MORC2: variants seen among roughly 807,000 people sequenced by gnomAD.
MORC2 encodes ATPase MORC2.
In MORC2, 30 loss-of-function variants were observed where a neutral mutation model predicts 136.0. The ratio of observed to expected loss-of-function variants is 0.22; its 90% CI spans 0.17 to 0.30. The LOEUF (loss-of-function observed/expected upper bound fraction) is 0.30, where lower values mean the gene tolerates loss of function less well. Among genes scored for constraint, MORC2 ranks in the 10% least tolerant of loss-of-function variants. The probability of loss-of-function intolerance (pLI) is 1.00; values close to 1 mark genes in which losing one functional copy is unlikely to be tolerated. For synonymous variants in MORC2, 439 were observed against 487.0 expected (o/e 0.90, Z 1.30); for missense variants, 922 against 1,333.1 (o/e 0.69, Z 4.80).
rs1396182121 is a variant in MORC2 at position 30,932,968 on chromosome 22, C to T, written c.2443G>A (p.Val815Met). 4.3e-6 allele frequency: 7 copies of T among 1,614,178 alleles called. No homozygotes were observed. The highest frequency in any genetic ancestry group is 2.2e-5 in the East Asian group (1 of 44,874). ...REWYTGRVTA[V>M]EVGKHVVRWK... ...CGCACCACATGCTTGCCCACCTCCA[C>T]GGCTGTGACACGGCCCGTGTACCAC... Residue 815 changes from valine to methionine, a missense_variant, in exon 22 of 26, where the codon GTG (valine) becomes ATG (methionine). By Grantham distance (21) the Val-to-Met change is conservative (BLOSUM62 1). Transcript: ENST00000397641. This position sits in a 1 kb window ranked among gnomAD's most constrained non-coding sequence, Gnocchi z 4.4.
chr22:30,955,014 A>G (rs1375066250), intron 3 of MORC2, among the ~76,000 whole-genome samples: 1 of 139,182 alleles, frequency 7.2e-6, no homozygotes, highest in African/African-American at 2.8e-5. Flanking sequence ...GCTGGAGTGC[A>G]ATGGTGCGAT....
At chr22:30,960,314 A>T (rs1184338837) in intron 1 of MORC2, among the ~76,000 whole-genome samples, 1 of 152,198 alleles carries the variant, frequency 6.6e-6, no homozygotes, top group African/African-American at 2.4e-5. Flanking sequence ...GAATTATAGG[A>T]AGACCTTTCC....
At chr22:30,965,585 C>T (rs948838960) in intron 1 of MORC2, among the ~76,000 whole-genome samples, 1 of 152,100 alleles carries the variant, frequency 6.6e-6, no homozygotes, top group African/African-American at 2.4e-5. Context: ...TAAGAAATTC[C>T]AGAGCTTCCA....
intron 3 of MORC2, among the ~76,000 whole-genome samples, chr22:30,955,301 G>A (rs530446760): frequency 4.3e-4 from 65 of 152,102 alleles, no homozygotes; most frequent in Non-Finnish European, 9.1e-4. Flanking sequence ...TTCTTTTCCT[G>A]TGTGCCCCTA....
In MORC2 at chr22:30,926,306, GC is replaced by G; in HGVS notation, c.*496del. ...CCTCCAATGTGGAACCTCCTACACA[GC>G]CCCCCTTTTGGGTCCCTGGATATGA... On this transcript the variant is annotated 3_prime_UTR_variant, in exon 26 of 26. Coordinates refer to ENST00000397641, the MANE Select transcript of MORC2 (RefSeq NM_001303256.3). 1 of 152,438 alleles carries G rather than the reference GC, an allele frequency of 6.6e-6. No homozygotes were observed. Among genetic ancestry groups the G allele is most frequent in the Non-Finnish European group, 1.5e-5 (1 of 68,306 alleles). The allele number at this position is 152,438 out of a possible 1,614,324, so 9.4% of individuals were successfully genotyped here.
intron 4 of MORC2, 24 bp downstream of exon 4, chr22:30,950,353 C>CCCCAAAAAAAAAA: frequency 2.7e-6 from 4 of 1,481,948 alleles, no homozygotes; most frequent in Non-Finnish European, 3.8e-6. Flanking sequence ...CCCCACCCCC[C>CCCCAAAAAAAAAA]AAAACAATAA....
Position 30,941,795 on chromosome 22 carries a change from G to T in MORC2, c.698+96C>A. Reference sequence around the variant, plus strand: ...ACATACTACCCTACCACAGAACACTGGGCAATGAATGTGCTCTCCCCTCTT... The same window carrying T: ...ACATACTACCCTACCACAGAACACTTGGCAATGAATGTGCTCTCCCCTCTT... On this transcript the variant is annotated intron_variant, in intron 8 of 25. Coordinates refer to ENST00000397641, the MANE Select transcript of MORC2 (RefSeq NM_001303256.3). The surrounding 1 kb of genome is among the most constrained non-coding windows in gnomAD (Gnocchi z 4.6). 8.1e-7 allele frequency: 1 copy of T among 1,236,676 alleles called. No individual in the cohort carries two copies. The highest frequency in any genetic ancestry group is 1.2e-6 in the Non-Finnish European group (1 of 855,560). The allele number at this position is 1,236,676 out of a possible 1,614,324, so 76.6% of individuals were successfully genotyped here.
Position 30,940,770 on chromosome 22 carries a change from C to T in MORC2, c.892G>A (p.Val298Ile), listed in dbSNP as rs772766261. 6 of 1,614,096 alleles carry T rather than the reference C, an allele frequency of 3.7e-6. No homozygotes were observed. The highest frequency in any genetic ancestry group is 1.1e-5 in the South Asian group (1 of 91,078). ...AEQEVKKAEH[V>I]ARIAEEKARE... ...AGAGTGGCATTACCAATCCTTGCTA[C>T]GTGCTCTGCTTTCTTCACCTCCTGC... Residue 298 changes from valine to isoleucine, a missense_variant, in exon 10 of 26, where the codon GTA becomes ATA. This residue lies in a region of MORC2 where 261 missense variants were observed against 354.3 expected (regional missense o/e 0.74). Coordinates refer to ENST00000397641, the MANE Select transcript of MORC2 (RefSeq NM_001303256.3).
chr22:30,950,986 A>G (rs2040878543), intron 3 of MORC2, among the ~76,000 whole-genome samples: 1 of 152,194 alleles, frequency 6.6e-6, no homozygotes, highest in Non-Finnish European at 1.5e-5. Flanking sequence ...GTGTCTATAC[A>G]TGACCATCCC....
intron 5 of MORC2, among the ~76,000 whole-genome samples, chr22:30,947,588 A>G (rs2040836644): frequency 1.3e-5 from 2 of 152,192 alleles, no homozygotes; most frequent in Non-Finnish European, 2.9e-5. Flanking sequence ...AACACTCAGG[A>G]AAACTCCCAG....
At chr22:30,953,907 C>G (rs1269421011) in intron 3 of MORC2, among the ~76,000 whole-genome samples, 1 of 152,140 alleles carries the variant, frequency 6.6e-6, no homozygotes, top group Admixed American at 6.5e-5. Context: ...CAAACTACAT[C>G]TGATGTTTGG....
In MORC2 at chr22:30,939,712, C is replaced by A. The variant is rs2040712545; in HGVS notation, c.988-6G>T. On this transcript the variant is annotated splice_polypyrimidine_tract_variant and splice_region_variant and intron_variant, in intron 11 of 25. Coordinates refer to ENST00000397641, the MANE Select transcript of MORC2 (RefSeq NM_001303256.3). ...TGGACCTGTCGCAACATCACCTGCA[C>A]ACATTGACATCAGGTGAGGGGAGGT... 6.2e-7 allele frequency: 1 copy of A among 1,613,232 alleles called. No homozygotes were observed.
In MORC2 at chr22:30,938,160, G is replaced by A; in HGVS notation, c.1119C>T (p.Asn373=). The change falls in exon 13 of 26, where the codon AAC becomes AAT. Residue 373 remains asparagine (N), a synonymous_variant. Coordinates refer to ENST00000397641, the MANE Select transcript of MORC2 (RefSeq NM_001303256.3). ...TGCCATCCAGATCCCGGTGTTCAAT[G>A]TTGACACCAAAAACAAAATTCAGTT... ...PKELNFVFGV[N]IEHRDLDGMF... 6.2e-7 allele frequency: 1 copy of A among 1,614,054 alleles called. No individual in the cohort carries two copies. Among genetic ancestry groups the A allele is most frequent in the Admixed American group, 1.7e-5 (1 of 60,016 alleles).
At chr22:30,945,681 T>G (rs2040806602) in intron 6 of MORC2, among the ~76,000 whole-genome samples, 1 of 152,182 alleles carries the variant, frequency 6.6e-6, no homozygotes, top group South Asian at 2.1e-4. Context: ...GTGTTTAGCT[T>G]ACATAGTCAA....
intron 2 of MORC2, among the ~76,000 whole-genome samples, chr22:30,957,231 T>C (rs1056131125): frequency 6.6e-6 from 1 of 152,242 alleles, no homozygotes; most frequent in Non-Finnish European, 1.5e-5. Context: ...GACAATAATC[T>C]CCCACAAAAC....
chr22:30,927,899 G>A (rs902883008), intron 25 of MORC2, 120 bp downstream of exon 25: 1 of 1,244,910 alleles, frequency 8.0e-7, no homozygotes, highest in African/African-American at 1.5e-5. Flanking sequence ...TGTGCAGCCA[G>A]GGTGAGAACC....
Position 30,943,968 on chromosome 22 carries a change from A to G in MORC2, c.427-1697T>C, listed in dbSNP as rs148601024. On this transcript the variant is annotated intron_variant, in intron 6 of 25. Coordinates refer to ENST00000397641, the MANE Select transcript of MORC2 (RefSeq NM_001303256.3). ...TTTTTAGTAGAGACGGGGTTTCACC[A>G]TATTGGTCAGGATGGTCTTGACCAC... is the stretch of plus-strand genomic sequence containing the variant. 7.3e-4 allele frequency among the ~76,000 whole-genome samples: 111 copies of G among 152,280 alleles called. 3 individuals carry two copies. In the East Asian group the frequency reaches 0.016, roughly 23 times the overall value.
At position 30,965,119 on chromosome 22, in the gene MORC2, G is replaced by A. The variant is rs534621247; in HGVS notation, c.68+2703C>T. 5.3e-5 allele frequency among the ~76,000 whole-genome samples: 8 copies of A among 152,176 alleles called. 1 individual carries two copies. In the South Asian group the frequency reaches 1.0e-3, roughly 20 times the overall value. On this transcript the variant is annotated intron_variant, in intron 1 of 25. Coordinates refer to ENST00000397641, the MANE Select transcript of MORC2 (RefSeq NM_001303256.3). ...AGGTTTGGCTGGTTTGCAAGCACAC[G>A]GTCTTTTCACTGCACCACACTGATT...
intron 3 of MORC2, among the ~76,000 whole-genome samples, chr22:30,954,024 G>A (rs543761333): frequency 2.0e-5 from 3 of 152,252 alleles, no homozygotes; most frequent in South Asian, 4.1e-4. Flanking sequence ...ATTATTACTG[G>A]CCAAGCGCAT....
Sources: gnomAD v4.1 joint callset for allele counts (sites outside exome capture counted in the v4.1 genomes callset) on GRCh38, gnomAD v4.1.1 for gene constraint, gnomAD v4.1.1 regional missense constraint, Gnocchi (gnomAD v3.1) non-coding constraint, MANE v1.5 for transcripts, NCBI Gene and HGNC (gene_info 2026-07-23, HGNC 2026-07-21) for gene names.